VANGL1: variants seen among roughly 807,000 people sequenced by gnomAD.
VANGL1 encodes the protein VANGL planar cell polarity protein 1.
In VANGL1, 18 loss-of-function variants were observed where a neutral mutation model predicts 48.4. The ratio of observed to expected loss-of-function variants is 0.37; its 90% CI spans 0.26 to 0.55. VANGL1 has a LOEUF of 0.55. Among genes scored for constraint, VANGL1 ranks in the 20% least tolerant of loss-of-function variants. The pLI, the probability that VANGL1 is intolerant of heterozygous loss-of-function variation, is 0.81. For missense variants in VANGL1, 667 were observed against 675.8 expected, an observed-to-expected ratio of 0.99 and a Z score of 0.14; for synonymous variants, 257 against 261.8, an observed-to-expected ratio of 0.98 and a Z score of 0.18.
chr1:115,663,232 C>G (rs1013933975), intron 3 of VANGL1, among the ~76,000 whole-genome samples: 4 of 152,130 alleles, frequency 2.6e-5, no homozygotes, highest in African/African-American at 9.7e-5. Flanking sequence ...ACTTCGTAAG[C>G]CTTTATAACC....
chr1:115,678,627 T>C (rs543458813), intron 4 of VANGL1, among the ~76,000 whole-genome samples: 1 of 152,214 alleles, frequency 6.6e-6, no homozygotes, highest in African/African-American at 2.4e-5. Flanking sequence ...TCAAGAAGAC[T>C]TAAATCATAT....
intron 2 of VANGL1, 30 bp from the exon 3 acceptor site, chr1:115,659,611 T>C: frequency 6.2e-7 from 1 of 1,613,554 alleles, no homozygotes; most frequent in Non-Finnish European, 8.5e-7. Context: ...TAACATGGCA[T>C]AAATGTGCTA....
At chr1:115,645,955 T>C (rs1361108225) in intron 1 of VANGL1, among the ~76,000 whole-genome samples, 4 of 152,190 alleles carry the variant, frequency 2.6e-5, no homozygotes, top group African/African-American at 9.7e-5. Flanking sequence ...ACTTAATAGC[T>C]CTAGGCAGAG....
intron 4 of VANGL1, among the ~76,000 whole-genome samples, chr1:115,666,760 G>A (rs1343174572): frequency 6.6e-6 from 1 of 152,158 alleles, no homozygotes; most frequent in East Asian, 1.9e-4. Flanking sequence ...CTCGTGGAGA[G>A]CCTGAGTTAG....
Position 115,697,616 on chromosome 1 carries a change from A to G in VANGL1, c.*6237A>G, listed in dbSNP as rs184820374. ...CAACAGAAATGCTACTGAGAGAACC[A>G]GAGAGGCCTGGGCCAGGCAGGTCTT... On this transcript the variant is annotated 3_prime_UTR_variant, in exon 8 of 8. Coordinates refer to ENST00000355485, the MANE Select transcript of VANGL1 (RefSeq NM_138959.3). 1 of 152,368 alleles carries G rather than the reference A, an allele frequency of 6.6e-6. No individual in the cohort carries two copies. Among genetic ancestry groups the G allele is most frequent in the East Asian group, 1.9e-4 (1 of 5,190 alleles). 9.4% of individuals were successfully genotyped at this position (152,368 alleles called of 1,614,324 possible). A position where few individuals can be genotyped will look rare whatever the true frequency, so the allele number is the denominator to read the frequency against.
intron 2 of VANGL1, among the ~76,000 whole-genome samples, chr1:115,656,596 G>A (rs961704383): frequency 3.3e-5 from 5 of 152,274 alleles, no homozygotes; most frequent in Admixed American, 2.0e-4. Context: ...GGGCTCTGGA[G>A]GATGAGAAAC....
At position 115,659,754 on chromosome 1, in the gene VANGL1, C is replaced by T; in HGVS notation, c.185C>T (p.Thr62Ile). 1 of 1,614,160 alleles carries T rather than the reference C, an allele frequency of 6.2e-7. No homozygotes were observed. Among genetic ancestry groups the T allele is most frequent in the Non-Finnish European group, 8.5e-7 (1 of 1,180,036 alleles). Reference protein sequence around the residue: ...TGEPLLGNDSTRTEEVQDDNW... With the variant: ...TGEPLLGNDSIRTEEVQDDNW... The stretch of plus-strand genomic sequence containing the variant: ...GAGCCCCTGTTGGGAAATGATTCTA[C>T]TCGGACAGAGGAAGTTCAGGTAAGG... The change falls in exon 3 of 8, where the codon ACT (threonine) becomes ATT (isoleucine). Residue 62 changes from threonine to isoleucine, a missense_variant. Transcript: ENST00000355485.
chr1:115,696,374 T>A lies in VANGL1; in HGVS notation c.*4995T>A, dbSNP rs1286936327. 6.6e-6 allele frequency: 1 copy of A among 152,278 alleles called. No homozygotes were observed. The highest frequency in any genetic ancestry group is 1.5e-5 in the Non-Finnish European group (1 of 68,068). 9.4% of individuals were successfully genotyped at this position (152,278 alleles called of 1,614,324 possible). A position where few individuals can be genotyped will look rare whatever the true frequency, so the allele number is the denominator to read the frequency against. On this transcript the variant is annotated 3_prime_UTR_variant, in exon 8 of 8. Coordinates refer to ENST00000355485, the MANE Select transcript of VANGL1 (RefSeq NM_138959.3). ...TCAGCAAGCAGTTTGCATCCCACCG[T>A]CTTTCTCACACTTGCCCCCAAGACT...
Position 115,644,942 on chromosome 1 carries a change from C to A in VANGL1, c.-138+2856C>A, listed in dbSNP as rs1011912123. Among the ~76,000 whole-genome samples, 5 of 152,192 alleles carry A rather than the reference C, an allele frequency of 3.3e-5. No homozygotes were observed. The South Asian group carries it at 8.3e-4, about 25-fold the overall frequency. On this transcript the variant is annotated intron_variant, in intron 1 of 7. Coordinates refer to ENST00000355485, the MANE Select transcript of VANGL1 (RefSeq NM_138959.3). The stretch of plus-strand genomic sequence containing the variant: ...TTGTAAATAATGACCCAGAATCATT[C>A]ATTTATAAGCTGTTGTAATAAAAGA...
chr1:115,669,013 C>T (rs1232681076), intron 4 of VANGL1, among the ~76,000 whole-genome samples: 1 of 152,220 alleles, frequency 6.6e-6, no homozygotes, highest in African/African-American at 2.4e-5. Flanking sequence ...CCCCCACAAC[C>T]ACCTCGGGCT....
At position 115,664,656 on chromosome 1, in the gene VANGL1, C is replaced by T. The variant is rs970722577; in HGVS notation, c.812+388C>T. Among the ~76,000 whole-genome samples, 8 of 152,154 alleles carry T rather than the reference C, an allele frequency of 5.3e-5. No individual in the cohort carries two copies. In the South Asian group the frequency reaches 1.0e-3, roughly 20 times the overall value. Reference sequence around the variant, plus strand: ...GTCCCAAATGTGACATCTGGTTTACCATGTTGTCCCAGTGGAATAATGAAT... The same window carrying T: ...GTCCCAAATGTGACATCTGGTTTACTATGTTGTCCCAGTGGAATAATGAAT... On this transcript the variant is annotated intron_variant, in intron 4 of 7. Transcript: ENST00000355485.
intron 4 of VANGL1, among the ~76,000 whole-genome samples, chr1:115,664,603 C>T (rs1233587652): frequency 6.6e-6 from 1 of 152,194 alleles, no homozygotes; most frequent in East Asian, 1.9e-4. Flanking sequence ...CAATGGACAA[C>T]AGATAAAGTG....
intron 4 of VANGL1, among the ~76,000 whole-genome samples, chr1:115,678,308 G>A (rs571636582): frequency 2.6e-5 from 4 of 152,332 alleles, no homozygotes; most frequent in Non-Finnish European, 5.9e-5. Flanking sequence ...TATTTGGAGG[G>A]TGGAGAGGAA....
intron 2 of VANGL1, among the ~76,000 whole-genome samples, chr1:115,651,700 C>G (rs1652152751): frequency 6.6e-6 from 1 of 152,004 alleles, no homozygotes; most frequent in African/African-American, 2.4e-5. Flanking sequence ...TAGTTTCTCA[C>G]AATTGGTTTT....
rs1177236915 is a variant in VANGL1 at position 115,689,014 on chromosome 1, A to G, written c.1315-2105A>G. Among the ~76,000 whole-genome samples the G allele has an allele frequency of 5.1e-5, 7 of 136,014 alleles. 2 individuals carry two copies. Among genetic ancestry groups the G allele is most frequent in the African/African-American group, 1.9e-4 (7 of 36,048 alleles). 89.2% of individuals were successfully genotyped at this position (136,014 alleles called of 152,430 possible). Reference sequence around the variant, plus strand: ...CACCGTGTTAGCCAGGATGGTCTCAATCTCCTGACCTCGTGATCTGCCTGC... The same window carrying G: ...CACCGTGTTAGCCAGGATGGTCTCAGTCTCCTGACCTCGTGATCTGCCTGC... On this transcript the variant is annotated intron_variant, in intron 7 of 7. Coordinates refer to ENST00000355485, the MANE Select transcript of VANGL1 (RefSeq NM_138959.3).
At chr1:115,660,697 A>G (rs1170090198) in intron 3 of VANGL1, among the ~76,000 whole-genome samples, 1 of 152,236 alleles carries the variant, frequency 6.6e-6, no homozygotes, top group Non-Finnish European at 1.5e-5. Flanking sequence ...GTAAAGATAG[A>G]TATAGGACTA....
chr1:115,688,085 C>T lies in VANGL1; in HGVS notation c.1314+2558C>T, dbSNP rs1190075868. Among the ~76,000 whole-genome samples the T allele has an allele frequency of 5.1e-5, 7 of 137,288 alleles. 2 individuals are homozygous for T. The highest frequency in any genetic ancestry group is 7.9e-5 in the Non-Finnish European group (5 of 63,114). 90.1% of individuals were successfully genotyped at this position (137,288 alleles called of 152,430 possible). ...TTCATAGATAGAGATTTACATACTA[C>T]ATCTCTCTATACAATGTATATTATC... On this transcript the variant is annotated intron_variant, in intron 7 of 7. Coordinates refer to ENST00000355485, the MANE Select transcript of VANGL1 (RefSeq NM_138959.3).
intron 4 of VANGL1, among the ~76,000 whole-genome samples, chr1:115,669,709 T>G (rs1652908072): frequency 6.6e-6 from 1 of 152,184 alleles, no homozygotes; most frequent in Admixed American, 6.5e-5. Context: ...CATGGAACTG[T>G]GAGTCCATTA....
At chr1:115,687,788 G>A (rs1653684906) in intron 7 of VANGL1, among the ~76,000 whole-genome samples, 2 of 131,754 alleles carry the variant, frequency 1.5e-5, no homozygotes, top group Admixed American at 1.6e-4. Context: ...GGCAATTTTT[G>A]TATTTTTGTA....
Sources: gnomAD v4.1 joint callset for allele counts (sites outside exome capture counted in the v4.1 genomes callset) on GRCh38, gnomAD v4.1.1 for gene constraint, MANE v1.5 for transcripts, NCBI Gene and HGNC (gene_info 2026-07-23, HGNC 2026-07-21) for gene names.